Variants in XYLB observed in about 807,000 individuals in gnomAD.
XYLB encodes the protein xylulose kinase.
In XYLB, 62 loss-of-function variants were observed where a neutral mutation model predicts 78.7. The observed-to-expected ratio is 0.79, with a 90% CI of 0.64 to 0.97. The LOEUF (loss-of-function observed/expected upper bound fraction) is 0.97, where lower values mean the gene tolerates loss of function less well. XYLB is among the 50% of genes least tolerant of loss of function. The pLI is 0.00. For missense variants in XYLB, 687 were observed against 676.8 expected (o/e 1.02, Z -0.17); for synonymous variants, 245 against 247.4 (o/e 0.99, Z 0.09).
At chr3:38,406,245 G>T (rs1195997112) in intron 18 of XYLB, among the ~76,000 whole-genome samples, 2 of 152,212 alleles carry the variant, frequency 1.3e-5, no homozygotes, top group Non-Finnish European at 2.9e-5. Context: ...CTGCTGTTCT[G>T]CAGCCACCAC....
the XYLB span, among the ~76,000 whole-genome samples, chr3:38,428,209 T>A: frequency 6.6e-6 from 1 of 152,236 alleles, no homozygotes; most frequent in Non-Finnish European, 1.5e-5. Flanking sequence ...TTCAAGTTTT[T>A]AAAACTTACT....
At chr3:38,401,769 C>T (rs1472076010) in intron 18 of XYLB, among the ~76,000 whole-genome samples, 1 of 152,136 alleles carries the variant, frequency 6.6e-6, no homozygotes, top group African/African-American at 2.4e-5. Flanking sequence ...GCACTCCCAT[C>T]AGTTGGGAGA....
the XYLB span, among the ~76,000 whole-genome samples, chr3:38,430,711 C>T: frequency 6.6e-6 from 1 of 152,068 alleles, no homozygotes; most frequent in African/African-American, 2.4e-5. Flanking sequence ...GTCTTTAATC[C>T]ATCTTGAATT....
the XYLB span, among the ~76,000 whole-genome samples, chr3:38,445,171 C>A: frequency 2.5e-3 from 381 of 152,194 alleles, no homozygotes; most frequent in Admixed American, 3.9e-3. Flanking sequence ...AAGAGATCTC[C>A]AGGGTTGGAA....
chr3:38,389,743 C>T (rs977253736), intron 15 of XYLB, among the ~76,000 whole-genome samples: 2 of 152,246 alleles, frequency 1.3e-5, no homozygotes, highest in Non-Finnish European at 2.9e-5. Flanking sequence ...TGGGACCTAA[C>T]CACTGAGATT....
chr3:38,348,972 C>G (rs1317360133), intron 2 of XYLB, among the ~76,000 whole-genome samples: 1 of 152,138 alleles, frequency 6.6e-6, no homozygotes, highest in African/African-American at 2.4e-5. Flanking sequence ...AAGAGTGTTT[C>G]ATTATAAACT....
chr3:38,437,576 T>C, the XYLB span, among the ~76,000 whole-genome samples: 1 of 152,170 alleles, frequency 6.6e-6, no homozygotes, highest in African/African-American at 2.4e-5. Flanking sequence ...AGTTACAGGA[T>C]ATAAAAAAAT....
chr3:38,436,329 G>T, the XYLB span, among the ~76,000 whole-genome samples: 1 of 151,904 alleles, frequency 6.6e-6, no homozygotes, highest in Non-Finnish European at 1.5e-5. Context: ...CAGAAGAAAT[G>T]GAAAAATTTC....
At chr3:38,438,524 A>G in the XYLB span, among the ~76,000 whole-genome samples, 13 of 152,198 alleles carry the variant, frequency 8.5e-5, no homozygotes, top group Non-Finnish European at 1.6e-4. Context: ...TTCATAAGGA[A>G]CCAAAAAGAG....
intron 15 of XYLB, among the ~76,000 whole-genome samples, chr3:38,380,753 C>T (rs988595109): frequency 6.6e-6 from 1 of 152,170 alleles, no homozygotes; most frequent in African/African-American, 2.4e-5. Context: ...CAGTACTATG[C>T]TGAATAGCCC....
chr3:38,451,973 A>G, the XYLB span: 1 of 152,240 alleles, frequency 6.6e-6, no homozygotes, highest in Non-Finnish European at 1.5e-5. Flanking sequence ...GAGAGGAACC[A>G]GCCAATCTAA....
chr3:38,374,586 G>A (rs1706750998), intron 11 of XYLB, 84 bp downstream of exon 11: 1 of 1,580,226 alleles, frequency 6.3e-7, no homozygotes, highest in Admixed American at 1.7e-5. Context: ...GTGCTGCTGA[G>A]ACCCAGATCC....
downstream of XYLB, among the ~76,000 whole-genome samples, chr3:38,417,190 C>T (rs373439749): frequency 6.6e-6 from 1 of 152,178 alleles, no homozygotes; most frequent in Non-Finnish European, 1.5e-5. Flanking sequence ...AATCCCAGCA[C>T]TTTGGGAGGC....
At chr3:38,368,900 G>C (rs1706398886) in intron 8 of XYLB, among the ~76,000 whole-genome samples, 1 of 152,164 alleles carries the variant, frequency 6.6e-6, no homozygotes, top group African/African-American at 2.4e-5. Flanking sequence ...TAAAGTTTTT[G>C]TTTCACATTT....
downstream of XYLB, among the ~76,000 whole-genome samples, chr3:38,417,294 G>T (rs1229027181): frequency 6.6e-6 from 1 of 152,054 alleles, no homozygotes; most frequent in African/African-American, 2.4e-5. Flanking sequence ...AGGCATGGTG[G>T]CAGGAGCCTG....
chr3:38,349,783 C>T (rs1424541355), intron 2 of XYLB, among the ~76,000 whole-genome samples: 2 of 152,148 alleles, frequency 1.3e-5, no homozygotes, highest in Non-Finnish European at 2.9e-5. Context: ...CCTCTGGGAC[C>T]TCTCTCCTTG....
chr3:38,394,867 C>T (rs1008183606), intron 15 of XYLB, among the ~76,000 whole-genome samples: 1 of 152,172 alleles, frequency 6.6e-6, no homozygotes, highest in Admixed American at 6.5e-5. Flanking sequence ...GCCTCAGTCT[C>T]CTGCCATGTA....
intron 12 of XYLB, among the ~76,000 whole-genome samples, chr3:38,375,612 C>T (rs1450260765): frequency 1.3e-5 from 2 of 152,122 alleles, no homozygotes; most frequent in Non-Finnish European, 2.9e-5. Flanking sequence ...TACTGTGACC[C>T]GTCTGGCATG....
Position 38,413,871 on chromosome 3 carries a change from C to T in XYLB, c.*858C>T, listed in dbSNP as rs551400738. The T allele has an allele frequency of 6.6e-6, 1 of 152,188 alleles. No homozygotes were observed. The highest frequency in any genetic ancestry group is 2.1e-4 in the South Asian group (1 of 4,828). 9.4% of individuals were successfully genotyped at this position (152,188 alleles called of 1,614,324 possible). The stretch of plus-strand genomic sequence containing the variant: ...AGTCCACTTGCTGAAGAAGTTGTGT[C>T]ATTTCTCTGGAAGAATTTCCAAAAT... On this transcript the variant is annotated 3_prime_UTR_variant, in exon 19 of 19. Transcript: ENST00000207870.
Sources: gnomAD v4.1 joint callset for allele counts (sites outside exome capture counted in the v4.1 genomes callset) on GRCh38, gnomAD v4.1.1 for gene constraint, MANE v1.5 for transcripts, NCBI Gene and HGNC (gene_info 2026-07-23, HGNC 2026-07-21) for gene names.